The following CNTN5 variants were observed in gnomAD, a reference collection of about 807,000 sequenced individuals.
CNTN5 encodes contactin 5.
In CNTN5, 77 loss-of-function variants were observed where a neutral mutation model predicts 129.1. That is an observed-to-expected ratio of 0.60 (90% CI 0.50 to 0.72). The LOEUF is 0.72. Among genes scored for constraint, CNTN5 ranks in the 30% least tolerant of loss-of-function variants. The probability of loss-of-function intolerance (pLI) is 0.00; values close to 1 mark genes in which losing one functional copy is unlikely to be tolerated. For synonymous variants in CNTN5, 509 were observed against 465.6 expected, an observed-to-expected ratio of 1.09 and a Z score of -1.20; for missense variants, 1,478 against 1,328.8, an observed-to-expected ratio of 1.11 and a Z score of -1.75.
intron 2 of CNTN5, among the ~76,000 whole-genome samples, chr11:99,352,309 T>C (rs1938354127): frequency 6.6e-6 from 1 of 152,168 alleles, no homozygotes; most frequent in Admixed American, 6.5e-5. Context: ...AGCCAAGGTA[T>C]TTTATTCTGT....
intron 1 of CNTN5, among the ~76,000 whole-genome samples, chr11:99,252,430 A>T (rs1009645434): frequency 6.6e-6 from 1 of 151,736 alleles, no homozygotes; most frequent in Non-Finnish European, 1.5e-5. Flanking sequence ...GAATAATCAT[A>T]TTTCATCAAC....
At chr11:99,532,510 A>G (rs1947749648) in intron 2 of CNTN5, among the ~76,000 whole-genome samples, 1 of 152,126 alleles carries the variant, frequency 6.6e-6, no homozygotes, top group Non-Finnish European at 1.5e-5. Context: ...GCCAGGGCAG[A>G]ATGATATGGG....
In CNTN5 at chr11:99,360,694, T is replaced by C. The variant is rs1402009158; in HGVS notation, c.-71+35210T>C. ...TCCGATGCTCTCCAAAATGCTATTG[T>C]GGTCCCTCTTCTATTGTCCTGATTA... On this transcript the variant is annotated intron_variant, in intron 2 of 24. Transcript: ENST00000524871. Among the ~76,000 whole-genome samples the C allele has an allele frequency of 2.0e-5, 3 of 152,130 alleles. No individual in the cohort carries two copies. The East Asian group carries it at 5.8e-4, about 29-fold the overall frequency.
chr11:99,965,946 C>G (rs887602341), intron 8 of CNTN5, among the ~76,000 whole-genome samples: 3 of 152,124 alleles, frequency 2.0e-5, no homozygotes, highest in African/African-American at 7.2e-5. Flanking sequence ...AACACTTGTT[C>G]TGAAAATAAA....
At chr11:99,494,482 T>C (rs189293536) in intron 2 of CNTN5, among the ~76,000 whole-genome samples, 1 of 152,168 alleles carries the variant, frequency 6.6e-6, no homozygotes, top group Non-Finnish European at 1.5e-5. Context: ...TTTTTAGATA[T>C]TGAATTTAAA....
intron 1 of CNTN5, among the ~76,000 whole-genome samples, chr11:99,274,994 T>C (rs1370401685): frequency 6.6e-6 from 1 of 151,500 alleles, no homozygotes; most frequent in Non-Finnish European, 1.5e-5. Flanking sequence ...TACAAAATAA[T>C]GCAAGTATCC....
At chr11:100,323,203 A>G (rs947660122) in intron 21 of CNTN5, among the ~76,000 whole-genome samples, 4 of 152,190 alleles carry the variant, frequency 2.6e-5, no homozygotes, top group Admixed American at 6.5e-5. Context: ...AGGTTCTCCA[A>G]TGTTTATCTC....
chr11:100,151,810 T>C (rs1021520986), intron 13 of CNTN5, among the ~76,000 whole-genome samples: 2 of 152,186 alleles, frequency 1.3e-5, no homozygotes, highest in Non-Finnish European at 2.9e-5. Flanking sequence ...TTAAAGTATT[T>C]TGAAATATCT....
chr11:99,488,203 C>T (rs536724881), intron 2 of CNTN5, among the ~76,000 whole-genome samples: 9 of 139,400 alleles, frequency 6.5e-5, no homozygotes, highest in East Asian at 4.5e-4. Context: ...CATGGAGTCT[C>T]GCTCTGTCGT....
At chr11:99,751,717 A>G (rs556255444) in intron 3 of CNTN5, among the ~76,000 whole-genome samples, 14 of 152,214 alleles carry the variant, frequency 9.2e-5, no homozygotes, top group African/African-American at 2.4e-4. Context: ...AATTTTTTCT[A>G]TAAGCCAAGT....
intron 1 of CNTN5, among the ~76,000 whole-genome samples, chr11:99,278,368 A>G (rs962085343): frequency 6.6e-6 from 1 of 151,714 alleles, no homozygotes; most frequent in Non-Finnish European, 1.5e-5. Context: ...TGAATATAAA[A>G]TTCAAGTTTG....
chr11:100,320,837 T>C (rs1334634235), intron 21 of CNTN5, among the ~76,000 whole-genome samples: 1 of 152,194 alleles, frequency 6.6e-6, no homozygotes, highest in Non-Finnish European at 1.5e-5. Context: ...TGTGTGTTCT[T>C]GGCACCTTTG....
intron 2 of CNTN5, among the ~76,000 whole-genome samples, chr11:99,527,643 G>T (rs1160680412): frequency 1.3e-5 from 2 of 152,052 alleles, no homozygotes; most frequent in African/African-American, 2.4e-5. Flanking sequence ...AAACATGAAG[G>T]CATATATCAA....
chr11:99,585,235 G>C (rs1450566958), intron 3 of CNTN5, among the ~76,000 whole-genome samples: 1 of 152,182 alleles, frequency 6.6e-6, no homozygotes, highest in Non-Finnish European at 1.5e-5. Context: ...AGAAACTTGA[G>C]TTTTGGTATA....
At chr11:99,054,261 G>A (rs928620832) in intron 1 of CNTN5, among the ~76,000 whole-genome samples, 9 of 151,658 alleles carry the variant, frequency 5.9e-5, no homozygotes, top group Non-Finnish European at 1.3e-4. Context: ...TGAAGGGCTG[G>A]GTGGCTGTTT....
chr11:99,866,321 TG>T (rs759092127), intron 6 of CNTN5, among the ~76,000 whole-genome samples: 3 of 152,208 alleles, frequency 2.0e-5, no homozygotes, highest in Non-Finnish European at 4.4e-5. Flanking sequence ...TAACTTCTCC[TG>T]GGTATTTAGT....
At chr11:99,929,688 G>A (rs1950147222) in intron 7 of CNTN5, among the ~76,000 whole-genome samples, 3 of 152,144 alleles carry the variant, frequency 2.0e-5, no homozygotes. Flanking sequence ...AACAGCATGA[G>A]GGTAACTGCC....
intron 1 of CNTN5, among the ~76,000 whole-genome samples, chr11:99,162,087 A>C (rs1222616782): frequency 1.3e-5 from 2 of 151,976 alleles, no homozygotes; most frequent in African/African-American, 4.8e-5. Context: ...GGTTAATAGA[A>C]CCTCCTTTTT....
chr11:100,317,820 T>C (rs1951598773), intron 21 of CNTN5, among the ~76,000 whole-genome samples: 1 of 152,250 alleles, frequency 6.6e-6, no homozygotes, highest in Non-Finnish European at 1.5e-5. Flanking sequence ...TAAAACAACT[T>C]TAAAATTTTC....
Sources: allele counts gnomAD v4.1 joint callset (sites outside exome capture counted in the v4.1 genomes callset), GRCh38; gene constraint gnomAD v4.1.1; transcripts MANE v1.5; gene names NCBI Gene and HGNC (gene_info 2026-07-23, HGNC 2026-07-21).